The following SUGCT variants were observed in gnomAD, a reference collection of about 807,000 sequenced individuals.
The protein encoded by SUGCT is succinyl-CoA:glutarate CoA-transferase.
Under a neutral mutation model 55.0 loss-of-function variants are expected in SUGCT, and 41 were observed. The ratio of observed to expected loss-of-function variants is 0.74; its 90% CI spans 0.58 to 0.97. SUGCT has a LOEUF of 0.97. Ranked by LOEUF, SUGCT falls within the 50% of genes least tolerant of loss-of-function variation. The pLI is 0.00. For missense variants in SUGCT, 568 were observed against 547.8 expected, an observed-to-expected ratio of 1.04 and a Z score of -0.37; for synonymous variants, 187 against 200.4, an observed-to-expected ratio of 0.93 and a Z score of 0.56.
chr7:40,666,922 G>T (rs1801672582), intron 12 of SUGCT, among the ~76,000 whole-genome samples: 1 of 152,044 alleles, frequency 6.6e-6, no homozygotes. Context: ...GAGCCCAGGA[G>T]TTTGAGACCA....
In SUGCT at chr7:40,496,271, T is replaced by A. The variant is rs774400099; in HGVS notation, c.987-13T>A. The A allele has an allele frequency of 4.5e-5, 71 of 1,592,014 alleles. No homozygotes were observed. Among genetic ancestry groups the A allele is most frequent in the Non-Finnish European group, 6.1e-5 (71 of 1,163,430 alleles). On this transcript the variant is annotated splice_polypyrimidine_tract_variant and intron_variant, in intron 11 of 13. Transcript: ENST00000335693. Reference sequence around the variant, plus strand: ...TTCCTGTGTAAAAAATTTATCCTTGTTTGTCTTCTTAGGTTTGAAGAAGAA... The same window carrying A: ...TTCCTGTGTAAAAAATTTATCCTTGATTGTCTTCTTAGGTTTGAAGAAGAA...
chr7:40,512,653 AT>A (rs765994666), intron 12 of SUGCT, among the ~76,000 whole-genome samples: 23 of 150,878 alleles, frequency 1.5e-4, no homozygotes, highest in East Asian at 7.8e-4. Flanking sequence ...AATGATGGAA[AT>A]TTTTTTTTTA....
intron 13 of SUGCT, among the ~76,000 whole-genome samples, chr7:40,764,224 CCT>C (rs1474264161): frequency 6.6e-6 from 1 of 152,148 alleles, no homozygotes; most frequent in Admixed American, 6.6e-5. Context: ...CCAACCATTC[CCT>C]GTTAAATGCC....
chr7:40,912,877 T>C, the SUGCT span, among the ~76,000 whole-genome samples: 1 of 151,792 alleles, frequency 6.6e-6, no homozygotes, highest in Non-Finnish European at 1.5e-5. Context: ...TTGTACTCCA[T>C]CAATATTTAA....
chr7:40,509,696 T>C (rs1583861868), intron 12 of SUGCT, among the ~76,000 whole-genome samples: 1 of 152,238 alleles, frequency 6.6e-6, no homozygotes, highest in South Asian at 2.1e-4. Flanking sequence ...CACTTCTTTG[T>C]TTGTTGTGTG....
At chr7:40,942,675 C>G in the SUGCT span, among the ~76,000 whole-genome samples, 2 of 151,986 alleles carry the variant, frequency 1.3e-5, no homozygotes, top group South Asian at 4.1e-4. Context: ...TTTGTTTTTT[C>G]TTCTCTCTCA....
the SUGCT span, among the ~76,000 whole-genome samples, chr7:41,035,810 T>C: frequency 6.6e-6 from 1 of 152,172 alleles, no homozygotes. Context: ...CTTCCTCGTG[T>C]CTCCACACAG....
intron 7 of SUGCT, among the ~76,000 whole-genome samples, chr7:40,242,496 A>G (rs1789475597): frequency 6.6e-6 from 1 of 151,932 alleles, no homozygotes; most frequent in Non-Finnish European, 1.5e-5. Flanking sequence ...TCTATAACTG[A>G]AGCTTAGAGG....
intron 12 of SUGCT, among the ~76,000 whole-genome samples, chr7:40,630,968 A>G (rs1357183066): frequency 6.6e-6 from 1 of 152,146 alleles, no homozygotes; most frequent in Non-Finnish European, 1.5e-5. Context: ...TATAGATTAG[A>G]AAATTGAGAC....
At chr7:40,902,402 A>C in the SUGCT span, among the ~76,000 whole-genome samples, 1 of 151,884 alleles carries the variant, frequency 6.6e-6, no homozygotes, top group Non-Finnish European at 1.5e-5. Flanking sequence ...ATATGGTGAA[A>C]CCCCATCTCT....
chr7:40,333,164 G>A (rs1796422657), intron 9 of SUGCT, among the ~76,000 whole-genome samples: 1 of 152,116 alleles, frequency 6.6e-6, no homozygotes, highest in Admixed American at 6.6e-5. Flanking sequence ...CTACTGCTGG[G>A]TTAGGAAATC....
chr7:40,272,066 T>G (rs1044225929), intron 7 of SUGCT, among the ~76,000 whole-genome samples: 1 of 80,344 alleles, frequency 1.2e-5, no homozygotes, highest in African/African-American at 5.2e-5. Flanking sequence ...TCTCTCTGTC[T>G]CGCTCTCTCT....
At chr7:40,369,174 A>G (rs2151247928) in intron 9 of SUGCT, among the ~76,000 whole-genome samples, 1 of 152,090 alleles carries the variant, frequency 6.6e-6, no homozygotes, top group East Asian at 1.9e-4. Flanking sequence ...CAGGTGATTC[A>G]CATGCAGTGA....
chr7:40,783,718 A>G (rs1267624068), intron 13 of SUGCT: 1 of 152,176 alleles, frequency 6.6e-6, no homozygotes, highest in Non-Finnish European at 1.5e-5. Context: ...TTGATGAATT[A>G]CTGAGAAAAT....
rs149235741 is a variant in SUGCT, at chr7:40,632,167, T to C, written c.1090-117267T>C. Among the ~76,000 whole-genome samples the C allele has an allele frequency of 1.6e-3, 243 of 152,324 alleles. 1 individual carries two copies. The highest frequency in any genetic ancestry group is 5.7e-3 in the African/African-American group (235 of 41,582). On this transcript the variant is annotated intron_variant, in intron 12 of 13. Transcript: ENST00000335693. ...GCACAGGTGGACCCTCAGGATGACC[T>C]ATTCTTGTTTGACATTGTCTCCCTC...
intron 13 of SUGCT, among the ~76,000 whole-genome samples, chr7:40,780,108 C>G (rs903241394): frequency 6.6e-6 from 1 of 152,128 alleles, no homozygotes; most frequent in Admixed American, 6.6e-5. Context: ...TGTTGCCCTC[C>G]TTTGCTTTTG....
chr7:40,902,798 T>G, the SUGCT span, among the ~76,000 whole-genome samples: 6 of 152,134 alleles, frequency 3.9e-5, no homozygotes, highest in Non-Finnish European at 8.8e-5. Flanking sequence ...AAAGTATTCC[T>G]GCATCCAGTT....
At chr7:40,474,800 G>C (rs1790574146) in intron 11 of SUGCT, among the ~76,000 whole-genome samples, 1 of 152,130 alleles carries the variant, frequency 6.6e-6, no homozygotes, top group African/African-American at 2.4e-5. Flanking sequence ...TGTGACTTCT[G>C]TGTTTCAGAA....
chr7:40,422,430 T>C (rs1054681326), intron 9 of SUGCT, among the ~76,000 whole-genome samples: 1 of 152,244 alleles, frequency 6.6e-6, no homozygotes, highest in African/African-American at 2.4e-5. Context: ...TTGGTCGTTT[T>C]ACAATTTGGC....
Sources: allele counts gnomAD v4.1 joint callset (sites outside exome capture counted in the v4.1 genomes callset), GRCh38; gene constraint gnomAD v4.1.1; transcripts MANE v1.5; gene names NCBI Gene and HGNC (gene_info 2026-07-23, HGNC 2026-07-21).